The following EPHA6 variants were observed in gnomAD, a reference collection of about 807,000 sequenced individuals.
The protein encoded by EPHA6 is EPH receptor A6, also known as ephrin type-A receptor 6.
A neutral mutation model predicts 112.0 loss-of-function variants in EPHA6; 50 were observed. That is an observed-to-expected ratio of 0.45 (90% CI 0.36 to 0.56). The LOEUF is 0.56. Ranked by LOEUF, EPHA6 falls within the 20% of genes least tolerant of loss-of-function variation. EPHA6 has a pLI of 0.00. For synonymous variants in EPHA6, 529 were observed against 490.7 expected, an observed-to-expected ratio of 1.08 and a Z score of -1.03; for missense variants, 1,280 against 1,417.4, an observed-to-expected ratio of 0.90 and a Z score of 1.56.
intron 16 of EPHA6, among the ~76,000 whole-genome samples, chr3:97,739,486 T>C (rs150983274): frequency 7.8e-4 from 118 of 152,218 alleles, no homozygotes; most frequent in African/African-American, 2.8e-3. Context: ...ATCCACAGTT[T>C]AATAATTTTA....
intron 2 of EPHA6, among the ~76,000 whole-genome samples, chr3:96,913,380 A>T (rs78388741): frequency 1.3e-5 from 2 of 151,916 alleles, no homozygotes; most frequent in African/African-American, 4.8e-5. Flanking sequence ...AAAAAAAAAA[A>T]TAATGTGGAT....
At chr3:97,074,506 TTAAGTA>T (rs1398626009) in intron 3 of EPHA6, among the ~76,000 whole-genome samples, 4 of 152,088 alleles carry the variant, frequency 2.6e-5, no homozygotes, top group African/African-American at 9.6e-5. Context: ...TTTAATTTTT[TTAAGTA>T]TGAGTAAGAT....
chr3:97,619,435 G>GT (rs889042507), intron 13 of EPHA6, among the ~76,000 whole-genome samples: 3 of 71,908 alleles, frequency 4.2e-5, no homozygotes, highest in African/African-American at 1.3e-4. Flanking sequence ...ATAGAAAAAG[G>GT]GGGGGGGGGG....
At chr3:97,027,765 T>C (rs1400783180) in intron 3 of EPHA6, among the ~76,000 whole-genome samples, 1 of 152,218 alleles carries the variant, frequency 6.6e-6, no homozygotes, top group Non-Finnish European at 1.5e-5. Context: ...ATACTGCCTT[T>C]TAAAAAAATG....
intron 1 of EPHA6, among the ~76,000 whole-genome samples, chr3:96,830,101 T>C (rs780796655): frequency 6.6e-6 from 1 of 152,090 alleles, no homozygotes; most frequent in South Asian, 2.1e-4. Flanking sequence ...AACTATAAAT[T>C]TAAAGTATGT....
chr3:96,821,459 A>C (rs942573222), intron 1 of EPHA6, among the ~76,000 whole-genome samples: 1 of 151,862 alleles, frequency 6.6e-6, no homozygotes, highest in African/African-American at 2.4e-5. Flanking sequence ...CTTATGGGCT[A>C]TACAGTTTCA....
rs1388971792 is a variant in EPHA6, at chr3:97,040,068, AATG to A, written c.1114+52078_1114+52080del. 3.3e-5 allele frequency among the ~76,000 whole-genome samples: 5 copies of A among 151,486 alleles called. No individual in the cohort carries two copies. In the East Asian group the frequency reaches 9.7e-4, roughly 29 times the overall value. ...GAGAATCATACCTGCTAATTATAAT[AATG>A]ATAATTATTAATGATAAAATAATGA... is the stretch of plus-strand genomic sequence containing the variant. On this transcript the variant is annotated intron_variant, in intron 3 of 17. Transcript: ENST00000389672.
chr3:96,854,179 C>CT lies in EPHA6; in HGVS notation c.386-12628dup, dbSNP rs781751530. 9.3e-3 allele frequency among the ~76,000 whole-genome samples: 1,222 copies of CT among 131,206 alleles called. 22 individuals are homozygous for CT. The highest frequency in any genetic ancestry group is 0.059 in the East Asian group (270 of 4,588). 86.1% of individuals were successfully genotyped at this position (131,206 alleles called of 152,430 possible). On this transcript the variant is annotated intron_variant, in intron 1 of 17. Coordinates refer to ENST00000389672, the MANE Select transcript of EPHA6 (RefSeq NM_001080448.3). ...ATACTTCAACTCTGTTTAATCATGA[C>CT]TTTTTTTTTTTTTTTTTTGAGATGG...
At chr3:96,893,429 C>A (rs1285764863) in intron 2 of EPHA6, among the ~76,000 whole-genome samples, 1 of 151,972 alleles carries the variant, frequency 6.6e-6, no homozygotes, top group Non-Finnish European at 1.5e-5. Flanking sequence ...TCATTATGAC[C>A]CCAACCATAT....
At chr3:97,058,981 A>C (rs2045936670) in intron 3 of EPHA6, among the ~76,000 whole-genome samples, 1 of 152,186 alleles carries the variant, frequency 6.6e-6, no homozygotes, top group African/African-American at 2.4e-5. Context: ...CTGGGGCAGC[A>C]TGGAGGAGTG....
At chr3:97,443,571 C>A (rs1054146020) in intron 6 of EPHA6, among the ~76,000 whole-genome samples, 4 of 152,004 alleles carry the variant, frequency 2.6e-5, no homozygotes, top group African/African-American at 9.7e-5. Context: ...ATATTCCATG[C>A]AAGACTGGGT....
intron 12 of EPHA6, among the ~76,000 whole-genome samples, chr3:97,609,955 C>CA (rs1160910888): frequency 6.6e-6 from 1 of 151,376 alleles, no homozygotes; most frequent in East Asian, 1.9e-4. Context: ...TAAACTTGGG[C>CA]AATTGGGCAG....
chr3:96,954,013 C>T (rs542481781), intron 2 of EPHA6, among the ~76,000 whole-genome samples: 30 of 152,234 alleles, frequency 2.0e-4, no homozygotes, highest in African/African-American at 6.7e-4. Flanking sequence ...GCTGGGACTA[C>T]AGGCATGTGC....
chr3:97,681,268 CTGTTGG>C (rs1348444787), intron 14 of EPHA6, among the ~76,000 whole-genome samples: 2 of 152,122 alleles, frequency 1.3e-5, no homozygotes, highest in Non-Finnish European at 2.9e-5. Context: ...CTTTCATACA[CTGTTGG>C]TAAGAATATA....
At chr3:96,837,642 C>A (rs4571251) in intron 1 of EPHA6, among the ~76,000 whole-genome samples, 1 of 151,818 alleles carries the variant, frequency 6.6e-6, no homozygotes, top group Admixed American at 6.6e-5. Context: ...ATTTTCAGTA[C>A]GATGTCTTTA....
intron 2 of EPHA6, among the ~76,000 whole-genome samples, chr3:96,953,676 T>A (rs1331024365): frequency 6.6e-6 from 1 of 152,174 alleles, no homozygotes; most frequent in African/African-American, 2.4e-5. Context: ...TTTCTGCATA[T>A]TGCTTTTATC....
chr3:96,959,208 G>A (rs1305132340), intron 2 of EPHA6, among the ~76,000 whole-genome samples: 1 of 152,134 alleles, frequency 6.6e-6, no homozygotes, highest in Non-Finnish European at 1.5e-5. Context: ...ATCCTAGTAA[G>A]CGTGGAGTGG....
chr3:97,055,328 G>A (rs1367055390), intron 3 of EPHA6, among the ~76,000 whole-genome samples: 4 of 152,070 alleles, frequency 2.6e-5, no homozygotes, highest in African/African-American at 9.7e-5. Context: ...TAGGAGTGTT[G>A]CAAATGTATT....
intron 3 of EPHA6, among the ~76,000 whole-genome samples, chr3:97,054,349 A>C (rs776492007): frequency 6.6e-6 from 1 of 152,136 alleles, no homozygotes; most frequent in Non-Finnish European, 1.5e-5. Flanking sequence ...GCAATTCACA[A>C]ACACCAGACT....
Sources: gnomAD v4.1 joint callset for allele counts (sites outside exome capture counted in the v4.1 genomes callset) on GRCh38, gnomAD v4.1.1 for gene constraint, MANE v1.5 for transcripts, NCBI Gene and HGNC (gene_info 2026-07-23, HGNC 2026-07-21) for gene names.